TET2: variants seen among roughly 807,000 people sequenced by gnomAD.
TET2 encodes methylcytosine dioxygenase TET2.
Under a neutral mutation model 142.9 loss-of-function variants are expected in TET2, and 299 were observed. That is an observed-to-expected ratio of 2.09 (90% CI 1.90 to 2.30). TET2 has a LOEUF of 2.30. Among genes scored for constraint, TET2 ranks in the 30% most tolerant of loss-of-function variants. TET2 has a pLI of 0.00. For missense variants in TET2, 2,418 were observed against 2,378.0 expected (o/e 1.02, Z -0.35); for synonymous variants, 819 against 849.0 (o/e 0.96, Z 0.61).
In TET2 at chr4:105,244,584, A is replaced by ATCTTTTTTTTTTTTTTTTTTTT. The variant is rs1237638072; in HGVS notation, c.3803+807_3803+808insCTTTTTTTTTTTTTTTTTTTTT. Among the ~76,000 whole-genome samples, 21 of 116,768 alleles carry ATCTTTTTTTTTTTTTTTTTTTT rather than the reference A, an allele frequency of 1.8e-4. 4 individuals are homozygous for ATCTTTTTTTTTTTTTTTTTTTT. The highest frequency in any genetic ancestry group is 2.2e-4 in the Non-Finnish European group (13 of 58,242). The allele number at this position is 116,768 out of a possible 152,430, so 76.6% of individuals were successfully genotyped here. Reference sequence around the variant, plus strand: ...TGAATGTTCACGGTGCTACACAGAAATGTTTTTTTTTTTTTTTTTTTTTTT... The same window carrying ATCTTTTTTTTTTTTTTTTTTTT: ...TGAATGTTCACGGTGCTACACAGAAATCTTTTTTTTTTTTTTTTTTTTTGTTTTTTTTTTTTTTTTTTTTTTT... On this transcript the variant is annotated intron_variant, in intron 6 of 10. Coordinates refer to ENST00000380013, the MANE Select transcript of TET2 (RefSeq NM_001127208.3).
intron 6 of TET2, among the ~76,000 whole-genome samples, chr4:105,249,303 G>T (rs1729746076): frequency 1.3e-5 from 2 of 152,142 alleles, no homozygotes; most frequent in African/African-American, 2.4e-5. Flanking sequence ...GGGATTACAA[G>T]CATGAGCCAC....
chr4:105,194,136 A>T (rs1358694707), intron 2 of TET2, among the ~76,000 whole-genome samples: 1 of 152,136 alleles, frequency 6.6e-6, no homozygotes, highest in Non-Finnish European at 1.5e-5. Flanking sequence ...AAAATAATAA[A>T]AAAGTATTAG....
chr4:105,234,779 C>A lies in TET2; in HGVS notation c.837C>A (p.Thr279=), dbSNP rs376597146. 1 of 1,613,882 alleles carries A rather than the reference C, an allele frequency of 6.2e-7. No individual in the cohort carries two copies. Among genetic ancestry groups the A allele is most frequent in the Admixed American group, 1.7e-5 (1 of 59,980 alleles). The stretch of plus-strand genomic sequence containing the variant: ...CAGGGCAGATCAATTCCGCACAGAC[C>A]TCTAACTCTGAGCTGCCTCCAAAGC... The part of the protein sequence containing the change: ...HTSGQINSAQ[T]SNSELPPKPA... Residue 279 remains threonine (T), a synonymous_variant, in exon 3 of 11, where the codon ACC becomes ACA. Transcript: ENST00000380013.
chr4:105,177,427 A>T (rs1035358292), intron 1 of TET2, among the ~76,000 whole-genome samples: 1 of 152,248 alleles, frequency 6.6e-6, no homozygotes, highest in African/African-American at 2.4e-5. Flanking sequence ...TTACAACTCA[A>T]CAGTTTGAAA....
In TET2 at chr4:105,245,353, CAG is replaced by C. The variant is rs368401460; in HGVS notation, c.3803+1578_3803+1579del. 1.0e-3 allele frequency among the ~76,000 whole-genome samples: 151 copies of C among 149,116 alleles called. 1 individual carries two copies. Among genetic ancestry groups the C allele is most frequent in the African/African-American group, 3.5e-3 (143 of 40,428 alleles). On this transcript the variant is annotated intron_variant, in intron 6 of 10. Coordinates refer to ENST00000380013, the MANE Select transcript of TET2 (RefSeq NM_001127208.3). ...ATAAATTTTTTTTTTTTTTTTAAGA[CAG>C]AGTTTCACTCTGTCACCCAGGCTGG...
At chr4:105,175,544 C>T (rs1724734703) in intron 1 of TET2, among the ~76,000 whole-genome samples, 1 of 151,710 alleles carries the variant, frequency 6.6e-6, no homozygotes, top group South Asian at 2.1e-4. Flanking sequence ...AGAAAAAAGA[C>T]TGTGAAAAAA....
intron 1 of TET2, among the ~76,000 whole-genome samples, chr4:105,163,854 A>AGAGT (rs1553942671): frequency 4.6e-4 from 39 of 85,222 alleles, no homozygotes; most frequent in South Asian, 3.7e-3. Flanking sequence ...AGAGAGAGAG[A>AGAGT]GTGTGTGTGT....
chr4:105,159,928 C>T (rs1238513529), intron 1 of TET2, among the ~76,000 whole-genome samples: 1 of 151,980 alleles, frequency 6.6e-6, no homozygotes, highest in South Asian at 2.1e-4. Flanking sequence ...CGCTTGACCC[C>T]GGGAGGCGGA....
intron 2 of TET2, among the ~76,000 whole-genome samples, chr4:105,211,924 A>G (rs867273772): frequency 2.5e-4 from 38 of 152,360 alleles, no homozygotes; most frequent in Middle Eastern, 3.4e-3. Context: ...ATGGAGATCT[A>G]TCTGACTGCA....
Position 105,259,787 on chromosome 4 carries a change from T to C in TET2, c.3954+18T>C. ...CAAAAGAGGTTTGTTTACTTCCTGA[T>C]GTATAATCGCTTTATTTTTCATAGA... On this transcript the variant is annotated intron_variant, in intron 7 of 10. Transcript: ENST00000380013. 1 of 1,546,448 alleles carries C rather than the reference T, an allele frequency of 6.5e-7. No individual in the cohort carries two copies. The highest frequency in any genetic ancestry group is 2.4e-5 in the East Asian group (1 of 40,870).
chr4:105,255,527 CTG>C (rs1730079015), intron 6 of TET2, among the ~76,000 whole-genome samples: 1 of 152,068 alleles, frequency 6.6e-6, no homozygotes, highest in Non-Finnish European at 1.5e-5. Context: ...TTTACAACTT[CTG>C]TTTTCTTTTT....
At chr4:105,244,410 A>T (rs1252724467) in intron 6 of TET2, among the ~76,000 whole-genome samples, 1 of 152,146 alleles carries the variant, frequency 6.6e-6, no homozygotes, top group Non-Finnish European at 1.5e-5. Context: ...AAGAGTATGC[A>T]CTTAAATATA....
chr4:105,150,722 T>C (rs1723254838), intron 1 of TET2, among the ~76,000 whole-genome samples: 1 of 152,206 alleles, frequency 6.6e-6, no homozygotes, highest in South Asian at 2.1e-4. Context: ...AGTATTTACT[T>C]GGTCTAGATC....
chr4:105,156,861 TG>T (rs1175308695), intron 1 of TET2, among the ~76,000 whole-genome samples: 3 of 152,218 alleles, frequency 2.0e-5, no homozygotes, highest in Non-Finnish European at 4.4e-5. Flanking sequence ...CATACTGTCC[TG>T]GTCTTATTAA....
intron 9 of TET2, among the ~76,000 whole-genome samples, chr4:105,271,172 A>G (rs1730947187): frequency 6.6e-6 from 1 of 152,170 alleles, no homozygotes; most frequent in Non-Finnish European, 1.5e-5. Context: ...TTTACTGGCC[A>G]TACAAACACA....
chr4:105,205,254 T>G (rs1166147300), intron 2 of TET2, among the ~76,000 whole-genome samples: 4 of 152,226 alleles, frequency 2.6e-5, no homozygotes, highest in Non-Finnish European at 4.4e-5. Context: ...TGTTTTTTAC[T>G]TGTTCTAATA....
intron 1 of TET2, among the ~76,000 whole-genome samples, chr4:105,169,409 A>G (rs1199649669): frequency 2.6e-5 from 4 of 152,030 alleles, no homozygotes; most frequent in African/African-American, 9.7e-5. Context: ...TCCTTAGCCC[A>G]CTTTTTGATA....
chr4:105,235,405 A>T lies in TET2; in HGVS notation c.1463A>T (p.Asn488Ile), dbSNP rs758328975. The stretch of plus-strand genomic sequence containing the variant: ...CCTCAGAATAATTGTGTGAACAGGA[A>T]TGACATACAGACTGCAGGGACAATG... ...ERPQNNCVNR[N>I]DIQTAGTMTV... The change falls in exon 3 of 11, where the codon AAT becomes ATT. Residue 488 changes from asparagine (N) to isoleucine (I), a missense_variant. Physicochemically the swap from Asn to Ile is moderately radical, Grantham distance 149. Coordinates refer to ENST00000380013, the MANE Select transcript of TET2 (RefSeq NM_001127208.3). The T allele has an allele frequency of 1.2e-6, 2 of 1,614,122 alleles. No individual in the cohort carries two copies. The highest frequency in any genetic ancestry group is 3.3e-5 in the Admixed American group (2 of 60,008).
rs1375869876 is a variant in TET2, at chr4:105,244,587, T to C, written c.3803+809T>C. Among the ~76,000 whole-genome samples, 153 of 40,520 alleles carry C rather than the reference T, an allele frequency of 3.8e-3. 23 individuals carry two copies. Among genetic ancestry groups the C allele is most frequent in the South Asian group, 0.036 (43 of 1,192 alleles). The allele number at this position is 40,520 out of a possible 152,430, so 26.6% of individuals were successfully genotyped here. On this transcript the variant is annotated intron_variant, in intron 6 of 10. Transcript: ENST00000380013. ...ATGTTCACGGTGCTACACAGAAATG[T>C]TTTTTTTTTTTTTTTTTTTTTTTTT... is the stretch of plus-strand genomic sequence containing the variant.
Sources: allele counts gnomAD v4.1 joint callset (sites outside exome capture counted in the v4.1 genomes callset), GRCh38; gene constraint gnomAD v4.1.1; transcripts MANE v1.5; gene names NCBI Gene and HGNC (gene_info 2026-07-23, HGNC 2026-07-21).